Variants in MYO1H observed in about 807,000 individuals in gnomAD.
MYO1H encodes unconventional myosin-Ih.
In MYO1H, 118 loss-of-function variants were observed where a neutral mutation model predicts 149.3. The ratio of observed to expected loss-of-function variants is 0.79; its 90% CI spans 0.68 to 0.92. MYO1H has a LOEUF of 0.92. Ranked by LOEUF, MYO1H falls within the 40% of genes least tolerant of loss-of-function variation. The pLI, the probability that MYO1H is intolerant of heterozygous loss-of-function variation, is 0.00. For missense variants in MYO1H, 1,212 were observed against 1,280.7 expected (o/e 0.95, Z 0.82); for synonymous variants, 447 against 465.2 (o/e 0.96, Z 0.50).
the MYO1H span, among the ~76,000 whole-genome samples, chr12:109,315,699 T>G: frequency 6.6e-6 from 1 of 152,246 alleles, no homozygotes; most frequent in Admixed American, 6.5e-5. Flanking sequence ...GGGTTTTCAG[T>G]ATGCCCCAGA....
chr12:109,410,299 G>T (rs1870611483), intron 12 of MYO1H, among the ~76,000 whole-genome samples: 1 of 151,960 alleles, frequency 6.6e-6, no homozygotes, highest in Non-Finnish European at 1.5e-5. Context: ...ATGCCACCAT[G>T]CCTGGCTAAT....
intron 27 of MYO1H, among the ~76,000 whole-genome samples, chr12:109,442,871 TGA>T (rs1415946840): frequency 3.0e-4 from 44 of 147,542 alleles, no homozygotes; most frequent in African/African-American, 1.1e-3. Flanking sequence ...ACTGTGGCTG[TGA>T]GAGTTTTCAT....
At chr12:109,409,577 A>G (rs1473972389) in exon 11 of MYO1H, 5 of 1,613,684 alleles carry the variant, frequency 3.1e-6, no homozygotes, top group Non-Finnish European at 4.2e-6. Context: ...GGAAAACTGT[A>G]ATTGGATTAC....
intron 2 of MYO1H, among the ~76,000 whole-genome samples, chr12:109,391,521 G>A (rs920776817): frequency 1.3e-5 from 2 of 152,102 alleles, no homozygotes; most frequent in African/African-American, 2.4e-5. Flanking sequence ...TTGATGTTGT[G>A]AATAGTGCCG....
chr12:109,395,865 G>A (rs1448286875), intron 3 of MYO1H, among the ~76,000 whole-genome samples: 1 of 149,074 alleles, frequency 6.7e-6, no homozygotes, highest in Non-Finnish European at 1.5e-5. Flanking sequence ...TGTTTTTCGG[G>A]TTTGGGTTTT....
intron 1 of MYO1H, among the ~76,000 whole-genome samples, chr12:109,353,592 T>C (rs1344199622): frequency 1.3e-5 from 2 of 152,126 alleles, no homozygotes; most frequent in Non-Finnish European, 2.9e-5. Context: ...TAAAACAATA[T>C]ATAAAATGTT....
the MYO1H span, among the ~76,000 whole-genome samples, chr12:109,322,828 A>G: frequency 6.6e-6 from 1 of 151,434 alleles, no homozygotes; most frequent in African/African-American, 2.4e-5. Flanking sequence ...TCAAAAAAAA[A>G]AAAAAAAAAA....
exon 20 of MYO1H, chr12:109,432,993 G>C: frequency 6.2e-7 from 1 of 1,613,988 alleles, no homozygotes; most frequent in Non-Finnish European, 8.5e-7. Context: ...ACAAACCCGA[G>C]GAATACAAGT....
At chr12:109,347,479 T>C (rs1405963339), upstream of MYO1H, among the ~76,000 whole-genome samples, 2 of 152,180 alleles carry the variant, frequency 1.3e-5, no homozygotes, top group African/African-American at 2.4e-5. Context: ...CTTGATTCCA[T>C]GAAATTTAAG....
At chr12:109,404,590 G>A (rs754144423) in intron 7 of MYO1H, among the ~76,000 whole-genome samples, 3 of 152,174 alleles carry the variant, frequency 2.0e-5, no homozygotes, top group African/African-American at 4.8e-5. Context: ...TTGCATGTGG[G>A]CAAACTTATA....
At chr12:109,379,449 T>A (rs1869154483) in intron 1 of MYO1H, among the ~76,000 whole-genome samples, 1 of 152,210 alleles carries the variant, frequency 6.6e-6, no homozygotes, top group Non-Finnish European at 1.5e-5. Flanking sequence ...TTTTTGCTAT[T>A]GGTTTCTGTC....
chr12:109,434,986 T>G, intron 20 of MYO1H, 51 bp from the exon 21 acceptor site: 6 of 1,199,114 alleles, frequency 5.0e-6, no homozygotes, highest in Non-Finnish European at 6.0e-6. Context: ...TTCAACCCAC[T>G]AGATGGTAAA....
chr12:109,413,292 C>T (rs1173477377), intron 14 of MYO1H, among the ~76,000 whole-genome samples: 4 of 152,030 alleles, frequency 2.6e-5, no homozygotes, highest in Non-Finnish European at 4.4e-5. Context: ...CAAATGAATG[C>T]TCCTGCATTT....
intron 1 of MYO1H, among the ~76,000 whole-genome samples, chr12:109,349,049 C>G (rs953414032): frequency 6.6e-6 from 1 of 152,154 alleles, no homozygotes; most frequent in Non-Finnish European, 1.5e-5. Context: ...GTTTTAGATG[C>G]CATTCTTGCA....
At chr12:109,405,846 CAT>C (rs1870356533) in intron 7 of MYO1H, 74 bp from the exon 8 acceptor site, 4 of 1,005,206 alleles carry the variant, frequency 4.0e-6, no homozygotes, top group Non-Finnish European at 6.2e-6. Context: ...CCACTAATGA[CAT>C]GTATCAATTA....
chr12:109,408,888 C>T (rs1434336789), intron 10 of MYO1H, among the ~76,000 whole-genome samples: 3 of 152,124 alleles, frequency 2.0e-5, no homozygotes, highest in East Asian at 1.9e-4. Context: ...CTCTGGGGTT[C>T]AAGCGATTCT....
intron 3 of MYO1H, 93 bp downstream of exon 3, chr12:109,393,539 T>C (rs9668205): frequency 2.2e-5 from 15 of 680,972 alleles, no homozygotes; most frequent in South Asian, 3.4e-5. Context: ...GTCCATCCAT[T>C]CATCCATCCA....
chr12:109,390,456 T>C (rs1406619265), intron 2 of MYO1H, among the ~76,000 whole-genome samples: 1 of 152,112 alleles, frequency 6.6e-6, no homozygotes, highest in East Asian at 1.9e-4. Context: ...TTTTTTTCTA[T>C]ATAAGAGCTT....
chr12:109,443,598 G>C (rs539920867), exon 28 of MYO1H: 5 of 1,613,760 alleles, frequency 3.1e-6, no homozygotes, highest in Admixed American at 1.7e-5. Flanking sequence ...AGCAGCTTAC[G>C]TGGTGGAACT....
Sources: allele counts gnomAD v4.1 joint callset (sites outside exome capture counted in the v4.1 genomes callset), GRCh38; gene constraint gnomAD v4.1.1; transcripts MANE v1.5; gene names NCBI Gene and HGNC (gene_info 2026-07-23, HGNC 2026-07-21).